Variants in NAALADL2 observed in about 807,000 individuals in gnomAD.
NAALADL2 encodes inactive N-acetylated-alpha-linked acidic dipeptidase-like protein 2.
NAALADL2 carries 76 observed loss-of-function variants against 87.2 expected under a neutral mutation model. That is an observed-to-expected ratio of 0.87 (90% CI 0.72 to 1.05). The LOEUF is 1.05. NAALADL2 is among the 50% of genes least tolerant of loss of function. The pLI, the probability that NAALADL2 is intolerant of heterozygous loss-of-function variation, is 0.00. For missense variants in NAALADL2, 1,089 were observed against 945.8 expected (o/e 1.15, Z -1.99); for synonymous variants, 354 against 331.0 (o/e 1.07, Z -0.75).
intron 2 of NAALADL2, among the ~76,000 whole-genome samples, chr3:174,661,588 G>A (rs1340377882): frequency 6.6e-6 from 1 of 151,896 alleles, no homozygotes; most frequent in Admixed American, 6.6e-5. Flanking sequence ...CTTTTTTAAT[G>A]TAATTTGTAT....
chr3:175,576,080 G>A lies in NAALADL2; in HGVS notation c.1693G>A (p.Glu565Lys). Residue 565 changes from glutamate (E) to lysine (K), a missense_variant, in exon 10 of 14, where the codon GAA (glutamate) becomes AAA (lysine). Coordinates refer to ENST00000454872, the MANE Select transcript of NAALADL2 (RefSeq NM_207015.3). ...CTGTACCAGAAGAGCCCAGTGCCCAGAAACCAATATCAGTTCTATACAGAT... is the reference window on the plus strand; with the variant it reads ...CTGTACCAGAAGAGCCCAGTGCCCAAAAACCAATATCAGTTCTATACAGAT... The part of the protein sequence containing the change: ...FNCTRRAQCP[E>K]TNISSIQIQG... 6.2e-7 allele frequency: 1 copy of A among 1,613,268 alleles called. No individual in the cohort carries two copies. Among genetic ancestry groups the A allele is most frequent in the Non-Finnish European group, 8.5e-7 (1 of 1,179,530 alleles).
At position 174,554,642 on chromosome 3, in the gene NAALADL2, T is replaced by C. The variant is rs1365763894; in HGVS notation, c.-115+4005T>C. Reference sequence around the variant, plus strand: ...GAAATAGTACTGATAAATTAAAAAATATGTACATTTGTGAGGGTGTTTTAA... The same window carrying C: ...GAAATAGTACTGATAAATTAAAAAACATGTACATTTGTGAGGGTGTTTTAA... On this transcript the variant is annotated intron_variant, in intron 2 of 3. Transcript: ENST00000434257. Among the ~76,000 whole-genome samples the C allele has an allele frequency of 2.6e-5, 4 of 151,946 alleles. No homozygotes were observed. The South Asian group carries it at 6.2e-4, about 24-fold the overall frequency.
rs183085524 is a variant in NAALADL2 at position 174,673,570 on chromosome 3, C to T, written c.-114-64071C>T. On this transcript the variant is annotated intron_variant, in intron 2 of 3. Transcript: ENST00000434257. ...CAGAAAAACAAATATTACAAATTCT[C>T]ACTCACATGTAAGAACTAAAAGCGG... 2.9e-3 allele frequency among the ~76,000 whole-genome samples: 430 copies of T among 150,060 alleles called. 9 individuals carry two copies. Among genetic ancestry groups the T allele is most frequent in the Admixed American group, 0.026 (386 of 14,906 alleles).
intron 11 of NAALADL2, among the ~76,000 whole-genome samples, chr3:175,709,862 A>G (rs1320800129): frequency 6.6e-6 from 1 of 152,072 alleles, no homozygotes; most frequent in Non-Finnish European, 1.5e-5. Flanking sequence ...AAAGCAGTCA[A>G]TGGTGATCTT....
intron 11 of NAALADL2, among the ~76,000 whole-genome samples, chr3:175,731,991 ATAAT>A (rs751388489): frequency 6.6e-5 from 10 of 152,304 alleles, no homozygotes; most frequent in Non-Finnish European, 8.8e-5. Context: ...CTTTTTATAA[ATAAT>A]TTATTTTTAT....
At chr3:175,569,926 G>GTA (rs1222138451) in intron 9 of NAALADL2, among the ~76,000 whole-genome samples, 1 of 151,708 alleles carries the variant, frequency 6.6e-6, no homozygotes, top group Non-Finnish European at 1.5e-5. Context: ...GTGTGTGTGT[G>GTA]TGTGTATTTG....
chr3:174,514,510 T>A (rs951603842), intron 1 of NAALADL2, among the ~76,000 whole-genome samples: 1 of 152,214 alleles, frequency 6.6e-6, no homozygotes, highest in Admixed American at 6.5e-5. Context: ...TGTATGTTTT[T>A]ATTTGTTTCA....
intron 5 of NAALADL2, among the ~76,000 whole-genome samples, chr3:175,428,428 G>C (rs1237477580): frequency 6.6e-6 from 1 of 152,000 alleles, no homozygotes; most frequent in African/African-American, 2.4e-5. Context: ...CCTGTTTGTT[G>C]TCCAGCAGAC....
At chr3:174,954,023 G>A (rs537477042) in intron 1 of NAALADL2, among the ~76,000 whole-genome samples, 5 of 151,926 alleles carry the variant, frequency 3.3e-5, no homozygotes, top group African/African-American at 4.8e-5. Context: ...TAATGCCACC[G>A]TTCCTTGGAG....
chr3:174,922,074 G>A (rs1273862568), intron 1 of NAALADL2, among the ~76,000 whole-genome samples: 2 of 151,974 alleles, frequency 1.3e-5, no homozygotes, highest in South Asian at 2.1e-4. Flanking sequence ...TGGAGGCCAA[G>A]GCAGGAGGAT....
rs974626090 is a variant in NAALADL2, at chr3:175,578,662, A to G, written c.1800+2475A>G. 9.8e-5 allele frequency among the ~76,000 whole-genome samples: 15 copies of G among 152,344 alleles called. No individual in the cohort carries two copies. In the East Asian group the frequency reaches 2.1e-3, roughly 22 times the overall value. The stretch of plus-strand genomic sequence containing the variant: ...GTAAAGATTAATAAATGGCCAAGAC[A>G]GATGTTGATCTAAGATATGTTTGAC... On this transcript the variant is annotated intron_variant, in intron 10 of 13. Transcript: ENST00000454872.
intron 5 of NAALADL2, among the ~76,000 whole-genome samples, chr3:175,425,424 A>G (rs1165725094): frequency 1.3e-5 from 2 of 152,190 alleles, no homozygotes; most frequent in Non-Finnish European, 2.9e-5. Context: ...GTTATAAAAT[A>G]CAATTAAAAA....
intron 13 of NAALADL2, among the ~76,000 whole-genome samples, chr3:175,800,250 T>A (rs1560030408): frequency 6.6e-6 from 1 of 152,052 alleles, no homozygotes; most frequent in African/African-American, 2.4e-5. Flanking sequence ...GCTTCTACAC[T>A]CCACAAGACC....
At chr3:174,641,264 C>T (rs1723155922) in intron 2 of NAALADL2, among the ~76,000 whole-genome samples, 2 of 152,166 alleles carry the variant, frequency 1.3e-5, no homozygotes, top group South Asian at 4.1e-4. Flanking sequence ...GAGATCCCAG[C>T]CCTGGCTGAC....
At chr3:174,801,484 C>A (rs1032634050) in intron 3 of NAALADL2, among the ~76,000 whole-genome samples, 1 of 152,086 alleles carries the variant, frequency 6.6e-6, no homozygotes, top group African/African-American at 2.4e-5. Flanking sequence ...TGTAAATTGC[C>A]CAGTCTCAGG....
intron 2 of NAALADL2, among the ~76,000 whole-genome samples, chr3:175,143,408 C>T (rs1367665086): frequency 6.6e-6 from 1 of 151,846 alleles, no homozygotes; most frequent in African/African-American, 2.4e-5. Flanking sequence ...TGCTTTGTGT[C>T]ACTTCTGAAA....
intron 5 of NAALADL2, among the ~76,000 whole-genome samples, chr3:175,348,502 G>T (rs1397774473): frequency 1.3e-5 from 2 of 152,112 alleles, no homozygotes; most frequent in Non-Finnish European, 2.9e-5. Flanking sequence ...GAGGTTACAT[G>T]TCCAAAATCA....
At chr3:175,131,588 C>T (rs1393257136) in intron 2 of NAALADL2, among the ~76,000 whole-genome samples, 3 of 152,164 alleles carry the variant, frequency 2.0e-5, no homozygotes, top group Non-Finnish European at 4.4e-5. Flanking sequence ...ATCTTTTCCC[C>T]GCCTTTCCCC....
At chr3:175,567,053 T>G (rs1717257439) in intron 9 of NAALADL2, among the ~76,000 whole-genome samples, 1 of 152,224 alleles carries the variant, frequency 6.6e-6, no homozygotes, top group African/African-American at 2.4e-5. Flanking sequence ...CATCTGGAAC[T>G]TACTGTGGTT....
Sources: allele counts gnomAD v4.1 joint callset (sites outside exome capture counted in the v4.1 genomes callset), GRCh38; gene constraint gnomAD v4.1.1; transcripts MANE v1.5; gene names NCBI Gene and HGNC (gene_info 2026-07-23, HGNC 2026-07-21).